EIF4G3: variants seen among roughly 807,000 people sequenced by gnomAD.
EIF4G3 encodes eukaryotic translation initiation factor 4 gamma 3.
A neutral mutation model predicts 186.4 loss-of-function variants in EIF4G3; 34 were observed. That is an observed-to-expected ratio of 0.18 (90% CI 0.14 to 0.24). The LOEUF is 0.24. EIF4G3 is among the 10% of genes least tolerant of loss of function. The pLI, the probability that EIF4G3 is intolerant of heterozygous loss-of-function variation, is 1.00. For synonymous variants in EIF4G3, 673 were observed against 679.5 expected (o/e 0.99, Z 0.15); for missense variants, 1,536 against 1,948.5 (o/e 0.79, Z 3.99).
At position 20,813,213 on chromosome 1, in the gene EIF4G3, A is replaced by T; in HGVS notation, c.4542T>A (p.Ser1514Arg). Reference protein sequence around the residue: ...VEANLDEIQMSSPTFLRALMT... With the variant: ...VEANLDEIQMRSPTFLRALMT... Reference sequence around the variant, plus strand: ...TTAAAGCTCTAAGGAATGTAGGTGAACTCATCTGGATTTCGTCTAGATTAG... The same window carrying T: ...TTAAAGCTCTAAGGAATGTAGGTGATCTCATCTGGATTTCGTCTAGATTAG... Residue 1514 changes from serine (S) to arginine (R), a missense_variant, in exon 35 of 37, where the codon AGT becomes AGA. This residue lies in a region of EIF4G3 where 395 missense variants were observed against 498.9 expected (regional missense o/e 0.79). Coordinates refer to ENST00000602326, the MANE Select transcript of EIF4G3 (RefSeq NM_001391906.1). 2 of 1,613,694 alleles carry T rather than the reference A, an allele frequency of 1.2e-6. No individual in the cohort carries two copies. Among genetic ancestry groups the T allele is most frequent in the Non-Finnish European group, 1.7e-6 (2 of 1,179,810 alleles).
intron 14 of EIF4G3, among the ~76,000 whole-genome samples, chr1:20,934,763 G>C (rs1416812456): frequency 6.6e-6 from 1 of 152,014 alleles, no homozygotes; most frequent in Non-Finnish European, 1.5e-5. Flanking sequence ...GGTTTTGATA[G>C]GTATGTTTTT....
intron 27 of EIF4G3, 37 bp downstream of exon 27, chr1:20,853,523 G>T: frequency 1.4e-6 from 2 of 1,419,000 alleles, no homozygotes; most frequent in African/African-American, 1.4e-5. Context: ...TGGCAAGCGG[G>T]CCAGCCTTGA....
At chr1:20,818,013 C>T (rs2061487816) in intron 33 of EIF4G3, among the ~76,000 whole-genome samples, 1 of 152,066 alleles carries the variant, frequency 6.6e-6, no homozygotes, top group African/African-American at 2.4e-5. Flanking sequence ...AGTCCATTAT[C>T]CTTCTGAATA....
At chr1:20,889,615 C>T (rs541822032) in intron 18 of EIF4G3, among the ~76,000 whole-genome samples, 27 of 152,194 alleles carry the variant, frequency 1.8e-4, no homozygotes, top group African/African-American at 6.5e-4. Context: ...CTCAGCCTCC[C>T]GAGTAGCTGG....
rs573331785 is a variant in EIF4G3 at position 21,145,038 on chromosome 1, G to A, written c.-272+31137C>T. 3.3e-5 allele frequency among the ~76,000 whole-genome samples: 5 copies of A among 152,210 alleles called. No homozygotes were observed. In the East Asian group the frequency reaches 9.7e-4, roughly 29 times the overall value. ...CATGCCTGTAATTCTAGCACTTTGG[G>A]AAGCCAAGGTGGGAGGACTGCTTGA... On this transcript the variant is annotated intron_variant, in intron 2 of 36. Transcript: ENST00000602326.
intron 7 of EIF4G3, among the ~76,000 whole-genome samples, chr1:20,993,947 G>C (rs2081670751): frequency 6.6e-6 from 1 of 152,156 alleles, no homozygotes; most frequent in Non-Finnish European, 1.5e-5. Flanking sequence ...AAATCTTTCA[G>C]GGTTTAGGTG....
Position 20,851,391 on chromosome 1 carries a change from A to T in EIF4G3, c.3639T>A (p.Ser1213Arg). ...RPNTFMRGGSSKDLLDNQSQE... is the reference protein window; with the variant it reads ...RPNTFMRGGSRKDLLDNQSQE... Reference sequence around the variant, plus strand: ...GAGACTGATTGTCTAGCAGGTCTTTACTGCTGCCACCCCTCATGAAAGTAT... The same window carrying T: ...GAGACTGATTGTCTAGCAGGTCTTTTCTGCTGCCACCCCTCATGAAAGTAT... The change falls in exon 28 of 37, where the codon AGT becomes AGA. Residue 1213 changes from serine to arginine, a missense_variant. This residue lies in a region of EIF4G3 where 395 missense variants were observed against 498.9 expected (regional missense o/e 0.79). Transcript: ENST00000602326. The T allele has an allele frequency of 1.2e-6, 2 of 1,614,024 alleles. 1 individual carries two copies. Among genetic ancestry groups the T allele is most frequent in the South Asian group, 2.2e-5 (2 of 91,076 alleles).
At chr1:20,848,294 T>C (rs928825992) in intron 29 of EIF4G3, among the ~76,000 whole-genome samples, 9 of 152,186 alleles carry the variant, frequency 5.9e-5, no homozygotes, top group African/African-American at 2.2e-4. Context: ...GAAAGAATTT[T>C]TAATAATATA....
At chr1:21,004,926 T>C (rs1205267717) in intron 4 of EIF4G3, among the ~76,000 whole-genome samples, 1 of 152,140 alleles carries the variant, frequency 6.6e-6, no homozygotes, top group Non-Finnish European at 1.5e-5. Flanking sequence ...CAACATCAGA[T>C]TGATTTCCTT....
At chr1:21,075,105 G>A (rs1463594620) in intron 3 of EIF4G3, among the ~76,000 whole-genome samples, 1 of 151,730 alleles carries the variant, frequency 6.6e-6, no homozygotes, top group Non-Finnish European at 1.5e-5. Flanking sequence ...AAGGAACAAA[G>A]GATATACAAA....
chr1:20,956,444 G>A (rs2096419991), intron 12 of EIF4G3, among the ~76,000 whole-genome samples: 1 of 152,054 alleles, frequency 6.6e-6, no homozygotes, highest in African/African-American at 2.4e-5. Context: ...GAAAGTTCCT[G>A]TTGTCTAAGG....
intron 33 of EIF4G3, among the ~76,000 whole-genome samples, chr1:20,817,919 GC>G (rs532738191): frequency 6.6e-6 from 1 of 151,930 alleles, no homozygotes; most frequent in African/African-American, 2.4e-5. Context: ...CAAGCAATCC[GC>G]CCTCCTTGGC....
In EIF4G3 at chr1:20,969,523, T is replaced by C. The variant is rs2075396218; in HGVS notation, c.665A>G (p.Asn222Ser). The C allele has an allele frequency of 6.2e-7, 1 of 1,613,852 alleles. No individual in the cohort carries two copies. Among genetic ancestry groups the C allele is most frequent in the African/African-American group, 1.3e-5 (1 of 74,922 alleles). ...EEIMSGGGSR[N>S]PTPPIGRPTS... Reference sequence around the variant, plus strand: ...GGGTCTTCCTATGGGTGGAGTAGGATTTCTGCTGCCACCTCCAGACATAAT... The same window carrying C: ...GGGTCTTCCTATGGGTGGAGTAGGACTTCTGCTGCCACCTCCAGACATAAT... The change falls in exon 12 of 37, where the codon AAT becomes AGT. Residue 222 changes from asparagine to serine, a missense_variant. Around this residue, in one of 11 missense-constraint regions of EIF4G3, gnomAD observed 560 missense variants for 547.8 expected, o/e 1.02. Transcript: ENST00000602326.
intron 14 of EIF4G3, among the ~76,000 whole-genome samples, chr1:20,923,827 A>G (rs2094666908): frequency 6.6e-6 from 1 of 150,712 alleles, no homozygotes. Flanking sequence ...ATATATATAT[A>G]TATATATTTA....
intron 2 of EIF4G3, among the ~76,000 whole-genome samples, chr1:21,152,209 C>T (rs533263733): frequency 3.4e-4 from 51 of 152,042 alleles, no homozygotes; most frequent in Middle Eastern, 3.4e-3. Flanking sequence ...CAGTGGCTCA[C>T]GCCTATAATC....
At chr1:21,142,771 T>C (rs2102680454) in intron 2 of EIF4G3, among the ~76,000 whole-genome samples, 1 of 152,282 alleles carries the variant, frequency 6.6e-6, no homozygotes, top group South Asian at 2.1e-4. Flanking sequence ...AAAGAAGCTG[T>C]ATAAAAATGT....
rs556668035 is a variant in EIF4G3 at position 21,132,492 on chromosome 1, A to G, written c.-271-43279T>C. On this transcript the variant is annotated intron_variant, in intron 2 of 36. Coordinates refer to ENST00000602326, the MANE Select transcript of EIF4G3 (RefSeq NM_001391906.1). ...AGAGTCTTGCTCTGTCACCCAGGCTAGAGTGCAGTGGTGCTCACCAGAGCC... is the reference window on the plus strand; with the variant it reads ...AGAGTCTTGCTCTGTCACCCAGGCTGGAGTGCAGTGGTGCTCACCAGAGCC... Among the ~76,000 whole-genome samples the G allele has an allele frequency of 1.1e-3, 170 of 151,536 alleles. 1 individual carries two copies. The highest frequency in any genetic ancestry group is 4.0e-3 in the African/African-American group (165 of 41,318).
chr1:21,042,183 GC>G (rs1403962736), intron 4 of EIF4G3, among the ~76,000 whole-genome samples: 1 of 152,038 alleles, frequency 6.6e-6, no homozygotes, highest in East Asian at 1.9e-4. Flanking sequence ...TCCCCACATT[GC>G]CCAGACTGGT....
chr1:21,133,553 T>C (rs2097190984), intron 2 of EIF4G3, among the ~76,000 whole-genome samples: 1 of 152,200 alleles, frequency 6.6e-6, no homozygotes, highest in Non-Finnish European at 1.5e-5. Context: ...GACTGTTGTC[T>C]ATGCTATTGG....
Sources: gnomAD v4.1 joint callset for allele counts (sites outside exome capture counted in the v4.1 genomes callset) on GRCh38, gnomAD v4.1.1 for gene constraint, gnomAD v4.1.1 regional missense constraint, MANE v1.5 for transcripts, NCBI Gene and HGNC (gene_info 2026-07-23, HGNC 2026-07-21) for gene names.